The following RABGAP1L variants were observed in gnomAD, a reference collection of about 807,000 sequenced individuals.
RABGAP1L encodes the protein RAB GTPase activating protein 1 like, also known as rab GTPase-activating protein 1-like.
Under a neutral mutation model 137.7 loss-of-function variants are expected in RABGAP1L, and 63 were observed. The observed-to-expected ratio is 0.46, with a 90% CI of 0.37 to 0.56. The LOEUF (loss-of-function observed/expected upper bound fraction) is 0.56, where lower values mean the gene tolerates loss of function less well. RABGAP1L is among the 20% of genes least tolerant of loss of function. The pLI is 0.00. For synonymous variants in RABGAP1L, 431 were observed against 433.7 expected, an observed-to-expected ratio of 0.99 and a Z score of 0.08; for missense variants, 1,095 against 1,244.0, an observed-to-expected ratio of 0.88 and a Z score of 1.80.
chr1:174,769,821 C>G (rs1362873119), intron 18 of RABGAP1L, among the ~76,000 whole-genome samples: 2 of 151,976 alleles, frequency 1.3e-5, no homozygotes, highest in African/African-American at 4.8e-5. Context: ...CCACTGCACT[C>G]CAGCCTGGGC....
At chr1:174,549,350 C>G (rs748633657) in intron 13 of RABGAP1L, among the ~76,000 whole-genome samples, 2 of 152,036 alleles carry the variant, frequency 1.3e-5, no homozygotes, top group Non-Finnish European at 2.9e-5. Context: ...GTAAACTCAA[C>G]AAAATTTTCT....
At chr1:174,204,468 G>A (rs970865939) in intron 1 of RABGAP1L, among the ~76,000 whole-genome samples, 1 of 152,120 alleles carries the variant, frequency 6.6e-6, no homozygotes, top group Non-Finnish European at 1.5e-5. Flanking sequence ...GGTGAGAGAG[G>A]GCATCCTTGT....
At chr1:174,962,196 A>T (rs74457673) in intron 20 of RABGAP1L, among the ~76,000 whole-genome samples, 3 of 77,842 alleles carry the variant, frequency 3.9e-5, no homozygotes, top group Non-Finnish European at 6.8e-5. Context: ...ATAAAAATAC[A>T]CCCCCCCCCC....
chr1:174,931,237 G>C (rs1663740714), intron 19 of RABGAP1L, among the ~76,000 whole-genome samples: 1 of 152,180 alleles, frequency 6.6e-6, no homozygotes, highest in Non-Finnish European at 1.5e-5. Flanking sequence ...AGGCAAAGCT[G>C]ATGGGATATT....
intron 14 of RABGAP1L, among the ~76,000 whole-genome samples, chr1:174,680,670 C>T (rs532322492): frequency 7.2e-5 from 11 of 152,000 alleles, no homozygotes; most frequent in Middle Eastern, 3.4e-3. Flanking sequence ...CTGAGGTGGG[C>T]GGATCACTTG....
At chr1:174,585,964 G>A (rs1421161999) in intron 13 of RABGAP1L, among the ~76,000 whole-genome samples, 2 of 152,140 alleles carry the variant, frequency 1.3e-5, no homozygotes, top group Non-Finnish European at 2.9e-5. Flanking sequence ...AAGACAGTGT[G>A]GTGATTCCTT....
intron 19 of RABGAP1L, among the ~76,000 whole-genome samples, chr1:174,827,410 A>G (rs1200389013): frequency 2.7e-5 from 4 of 150,064 alleles, no homozygotes; most frequent in Non-Finnish European, 6.0e-5. Flanking sequence ...TTATCTCCCA[A>G]TACAGATACT....
intron 1 of RABGAP1L, among the ~76,000 whole-genome samples, chr1:174,179,504 G>T (rs184215163): frequency 9.1e-4 from 138 of 151,972 alleles, no homozygotes; most frequent in Non-Finnish European, 6.3e-4. Context: ...AAAGGTTGGA[G>T]ATAATTTTTA....
chr1:174,755,837 C>G (rs1353791155), intron 18 of RABGAP1L, among the ~76,000 whole-genome samples: 1 of 152,166 alleles, frequency 6.6e-6, no homozygotes, highest in African/African-American at 2.4e-5. Context: ...GAACAATACT[C>G]TTTTTCATTC....
rs139249473 is a variant in RABGAP1L, at chr1:174,260,759, G to A, written c.986+8169G>A. The stretch of plus-strand genomic sequence containing the variant: ...TAGTGTTTAAAATACACTATTACTA[G>A]CACTGTTACCTAAATGCACTATTAC... On this transcript the variant is annotated intron_variant, in intron 7 of 25. Transcript: ENST00000681986. Among the ~76,000 whole-genome samples, 104 of 152,220 alleles carry A rather than the reference G, an allele frequency of 6.8e-4. 1 individual carries two copies. The highest frequency in any genetic ancestry group is 2.3e-3 in the African/African-American group (95 of 41,538).
chr1:174,765,893 A>G (rs1209757419), intron 18 of RABGAP1L, among the ~76,000 whole-genome samples: 1 of 152,158 alleles, frequency 6.6e-6, no homozygotes, highest in Non-Finnish European at 1.5e-5. Flanking sequence ...ATTTTTGTAT[A>G]TGATGTAAGG....
chr1:174,918,823 AC>A (rs545089556), intron 19 of RABGAP1L, among the ~76,000 whole-genome samples: 23 of 120,606 alleles, frequency 1.9e-4, no homozygotes, highest in Non-Finnish European at 4.1e-4. Flanking sequence ...AGTGAGACCC[AC>A]CCCCCCGATC....
At chr1:174,197,983 A>G (rs1335362715) in intron 1 of RABGAP1L, among the ~76,000 whole-genome samples, 1 of 152,198 alleles carries the variant, frequency 6.6e-6, no homozygotes, top group Non-Finnish European at 1.5e-5. Context: ...TGTTGTATGA[A>G]TTAAATTAGA....
intron 13 of RABGAP1L, among the ~76,000 whole-genome samples, chr1:174,461,316 T>C (rs1360681568): frequency 6.6e-6 from 1 of 152,158 alleles, no homozygotes; most frequent in African/African-American, 2.4e-5. Flanking sequence ...CCAGGCCTGG[T>C]ATTGATACTT....
chr1:174,766,624 CA>C (rs1297967703), intron 18 of RABGAP1L, among the ~76,000 whole-genome samples: 3 of 152,088 alleles, frequency 2.0e-5, no homozygotes, highest in Admixed American at 2.0e-4. Context: ...CAGTTTCTGC[CA>C]AAAAGGCAAT....
chr1:174,288,284 T>C (rs1571928382), intron 10 of RABGAP1L, among the ~76,000 whole-genome samples: 2 of 152,204 alleles, frequency 1.3e-5, no homozygotes, highest in East Asian at 3.8e-4. Flanking sequence ...TTTGACTATC[T>C]ATTTGCTTTT....
chr1:174,173,973 G>A (rs1352852065), intron 1 of RABGAP1L, among the ~76,000 whole-genome samples: 9 of 151,986 alleles, frequency 5.9e-5, no homozygotes, highest in African/African-American at 1.9e-4. Context: ...CATTACAAAA[G>A]CCCCCAAATA....
At chr1:174,492,868 C>T (rs1265297741) in intron 13 of RABGAP1L, among the ~76,000 whole-genome samples, 2 of 151,982 alleles carry the variant, frequency 1.3e-5, no homozygotes. Context: ...GCCTTTCCTT[C>T]CCCTCTTCCA....
chr1:174,901,956 G>C (rs1658209450), intron 19 of RABGAP1L, among the ~76,000 whole-genome samples: 1 of 152,094 alleles, frequency 6.6e-6, no homozygotes, highest in African/African-American at 2.4e-5. Flanking sequence ...GTGGTTTGCT[G>C]GGGGTCCAAT....
Sources: gnomAD v4.1 joint callset for allele counts (sites outside exome capture counted in the v4.1 genomes callset) on GRCh38, gnomAD v4.1.1 for gene constraint, MANE v1.5 for transcripts, NCBI Gene and HGNC (gene_info 2026-07-23, HGNC 2026-07-21) for gene names.